Variants in CSMD1 observed in about 807,000 individuals in gnomAD.
CSMD1 encodes the protein CUB and sushi domain-containing protein 1.
CSMD1 carries 213 observed loss-of-function variants against 417.5 expected under a neutral mutation model. The observed-to-expected ratio is 0.51, with a 90% CI of 0.46 to 0.57. The LOEUF (loss-of-function observed/expected upper bound fraction) is 0.57. Ranked by LOEUF, CSMD1 falls within the 20% of genes least tolerant of loss-of-function variation. The probability of loss-of-function intolerance (pLI) is 0.00; values close to 1 mark genes in which losing one functional copy is unlikely to be tolerated. For synonymous variants in CSMD1, 2,862 were observed against 1,736.8 expected, an observed-to-expected ratio of 1.65 and a Z score of -16.11; for missense variants, 6,923 against 4,529.7, an observed-to-expected ratio of 1.53 and a Z score of -15.17.
chr8:3,597,129 G>C (rs570189418), intron 8 of CSMD1, among the ~76,000 whole-genome samples: 1 of 152,302 alleles, frequency 6.6e-6, no homozygotes, highest in South Asian at 2.1e-4. Context: ...TTCTTCAGCA[G>C]ACATATGGGA....
At chr8:4,057,238 G>A (rs1334568965) in intron 3 of CSMD1, among the ~76,000 whole-genome samples, 8 of 152,196 alleles carry the variant, frequency 5.3e-5, no homozygotes, top group African/African-American at 1.4e-4. Context: ...ACTGGTGTGA[G>A]ATGGTATCTC....
chr8:3,447,329 G>A (rs1815366270), intron 12 of CSMD1, among the ~76,000 whole-genome samples: 1 of 133,034 alleles, frequency 7.5e-6, no homozygotes, highest in African/African-American at 3.3e-5. Context: ...TTTAGCAGTG[G>A]AGATCAGTAA....
chr8:4,068,816 G>A (rs1314007102), intron 3 of CSMD1, among the ~76,000 whole-genome samples: 1 of 152,114 alleles, frequency 6.6e-6, no homozygotes, highest in Non-Finnish European at 1.5e-5. Flanking sequence ...TGAATTCATG[G>A]TATCAGTGAC....
intron 12 of CSMD1, among the ~76,000 whole-genome samples, chr8:3,439,741 G>A (rs756884784): frequency 2.0e-5 from 3 of 152,018 alleles, no homozygotes; most frequent in South Asian, 2.1e-4. Flanking sequence ...CCTAGTCTCA[G>A]ATTGCAAATA....
intron 3 of CSMD1, among the ~76,000 whole-genome samples, chr8:4,192,255 A>G (rs1799074909): frequency 1.3e-5 from 2 of 152,346 alleles, no homozygotes; most frequent in South Asian, 4.1e-4. Context: ...TTAGGATTAT[A>G]AATTAGATGA....
Position 4,341,697 on chromosome 8 carries a change from A to C in CSMD1, c.415+78256T>G, listed in dbSNP as rs118101345. Among the ~76,000 whole-genome samples the C allele has an allele frequency of 6.1e-3, 936 of 152,260 alleles. 4 individuals carry two copies. Among genetic ancestry groups the C allele is most frequent in the Non-Finnish European group, 0.01 (689 of 67,996 alleles). On this transcript the variant is annotated intron_variant, in intron 3 of 69. Coordinates refer to ENST00000635120, the MANE Select transcript of CSMD1 (RefSeq NM_033225.6). ...AGCGACGCAGTCAAGATAAATGGAA[A>C]CCTAAGATTAGTCAATATGTTTTTT...
chr8:3,343,578 A>G lies in CSMD1; in HGVS notation c.3475-128T>C, dbSNP rs1306975867. 1.2e-5 allele frequency: 9 copies of G among 779,156 alleles called. No individual in the cohort carries two copies. The East Asian group carries it at 2.2e-4, about 19-fold the overall frequency. 48.3% of individuals were successfully genotyped at this position (779,156 alleles called of 1,614,324 possible). On this transcript the variant is annotated intron_variant, in intron 22 of 69. Coordinates refer to ENST00000635120, the MANE Select transcript of CSMD1 (RefSeq NM_033225.6). ...ATACTTAAAAAGGCATATAGTTTAC[A>G]GAAAGATAAATGAAGGACTTAGAGC...
chr8:4,859,361 G>A (rs138477880), intron 1 of CSMD1, among the ~76,000 whole-genome samples: 1,542 of 152,260 alleles, frequency 0.01, 32 homozygotes, highest in African/African-American at 0.035. Flanking sequence ...CATGGGCAAG[G>A]ACTTCATGTC....
intron 26 of CSMD1, among the ~76,000 whole-genome samples, chr8:3,274,727 T>A (rs1242785312): frequency 6.6e-6 from 1 of 152,130 alleles, no homozygotes; most frequent in African/African-American, 2.4e-5. Context: ...TAAAGTCTGT[T>A]TTATGAGAGA....
At chr8:3,722,202 G>C (rs7008044) in intron 6 of CSMD1, among the ~76,000 whole-genome samples, 2 of 151,720 alleles carry the variant, frequency 1.3e-5, no homozygotes, top group Non-Finnish European at 2.9e-5. Flanking sequence ...CCACCTACTC[G>C]GGAGGCTGAG....
At chr8:3,513,614 G>C (rs1797168627) in intron 10 of CSMD1, among the ~76,000 whole-genome samples, 1 of 152,090 alleles carries the variant, frequency 6.6e-6, no homozygotes, top group African/African-American at 2.4e-5. Flanking sequence ...CAGAAAACAT[G>C]GTAAGACTTA....
intron 6 of CSMD1, among the ~76,000 whole-genome samples, 158 bp from the exon 7 acceptor site, chr8:3,708,649 G>C (rs1320237085): frequency 4.6e-5 from 7 of 152,184 alleles, no homozygotes; most frequent in African/African-American, 1.4e-4. Context: ...TGAAGTCAAA[G>C]AGCTTGTAAA....
intron 23 of CSMD1, among the ~76,000 whole-genome samples, chr8:3,319,881 G>A (rs1218216045): frequency 6.6e-6 from 1 of 152,030 alleles, no homozygotes; most frequent in East Asian, 1.9e-4. Context: ...TCTTAGATGG[G>A]AATATCAAAT....
chr8:3,044,281 T>C (rs567297741), intron 50 of CSMD1, among the ~76,000 whole-genome samples: 19 of 152,334 alleles, frequency 1.2e-4, no homozygotes, highest in Non-Finnish European at 2.6e-4. Flanking sequence ...TTAATTTTTA[T>C]TTATTTATTT....
At chr8:3,627,288 G>A (rs1472429269) in intron 7 of CSMD1, among the ~76,000 whole-genome samples, 1 of 152,088 alleles carries the variant, frequency 6.6e-6, no homozygotes, top group East Asian at 1.9e-4. Flanking sequence ...ATACCTAGCT[G>A]CAAGACACTT....
chr8:4,342,375 A>G (rs1050876965), intron 3 of CSMD1, among the ~76,000 whole-genome samples: 19 of 152,098 alleles, frequency 1.2e-4, no homozygotes, highest in Admixed American at 3.9e-4. Flanking sequence ...CAGCTATCAC[A>G]TATGTTTATT....
chr8:4,013,105 C>T (rs752176577), intron 4 of CSMD1, among the ~76,000 whole-genome samples: 4 of 152,108 alleles, frequency 2.6e-5, no homozygotes, highest in East Asian at 3.9e-4. Flanking sequence ...CTGTGTCACA[C>T]GATGTCGTTT....
chr8:4,883,241 A>T (rs1271576267), intron 1 of CSMD1, among the ~76,000 whole-genome samples: 1 of 152,122 alleles, frequency 6.6e-6, no homozygotes, highest in Non-Finnish European at 1.5e-5. Context: ...TCTAACAAGG[A>T]TCAGATAAGA....
chr8:4,658,697 A>T (rs11997186), intron 1 of CSMD1, among the ~76,000 whole-genome samples: 1 of 152,106 alleles, frequency 6.6e-6, no homozygotes, highest in Non-Finnish European at 1.5e-5. Flanking sequence ...AAGTCATTAT[A>T]CTGGTAAATA....
Sources: allele counts gnomAD v4.1 joint callset (sites outside exome capture counted in the v4.1 genomes callset), GRCh38; gene constraint gnomAD v4.1.1; transcripts MANE v1.5; gene names NCBI Gene and HGNC (gene_info 2026-07-23, HGNC 2026-07-21).